SPATA17: variants seen among roughly 807,000 people sequenced by gnomAD.
SPATA17 encodes spermatogenesis-associated protein 17.
Under a neutral mutation model 62.2 loss-of-function variants are expected in SPATA17, and 53 were observed. The ratio of observed to expected loss-of-function variants is 0.85; its 90% CI spans 0.68 to 1.07. The LOEUF (loss-of-function observed/expected upper bound fraction) is 1.07. SPATA17 is among the 50% of genes least tolerant of loss of function. The pLI, the probability that SPATA17 is intolerant of heterozygous loss-of-function variation, is 0.00. For synonymous variants in SPATA17, 146 were observed against 146.8 expected (o/e 0.99, Z 0.04); for missense variants, 466 against 425.5 (o/e 1.10, Z -0.84).
chr1:217,814,483 T>C (rs17676166), intron 9 of SPATA17, among the ~76,000 whole-genome samples: 4,855 of 152,262 alleles, frequency 0.032, 111 homozygotes, highest in Middle Eastern at 0.065. Flanking sequence ...AGTTTGCCTA[T>C]GAAATTTTCT....
chr1:217,741,504 A>G (rs191531387), intron 5 of SPATA17, among the ~76,000 whole-genome samples: 1 of 152,312 alleles, frequency 6.6e-6, no homozygotes, highest in East Asian at 1.9e-4. Context: ...GTAAACCTAC[A>G]ATAAATTAAG....
At chr1:217,645,518 A>G (rs1325076944) in intron 1 of SPATA17, among the ~76,000 whole-genome samples, 2 of 152,178 alleles carry the variant, frequency 1.3e-5, no homozygotes, top group African/African-American at 2.4e-5. Flanking sequence ...AGTAATTTAA[A>G]TGGACTATAT....
intron 9 of SPATA17, chr1:217,850,582 C>T: frequency 1.9e-6 from 3 of 1,596,590 alleles, no homozygotes; most frequent in Non-Finnish European, 2.6e-6. Flanking sequence ...TCACTGGGCT[C>T]CACTTCAAGG....
intron 5 of SPATA17, among the ~76,000 whole-genome samples, chr1:217,685,024 C>A (rs1315152635): frequency 2.0e-5 from 3 of 151,894 alleles, no homozygotes; most frequent in African/African-American, 7.3e-5. Context: ...TAGGGGACTG[C>A]TGTTTAATTT....
chr1:217,736,689 G>A (rs1489711721), intron 5 of SPATA17, among the ~76,000 whole-genome samples: 5 of 152,158 alleles, frequency 3.3e-5, no homozygotes, highest in African/African-American at 7.2e-5. Flanking sequence ...AATGCTGAAA[G>A]GCCTTGTAGG....
At chr1:217,644,904 G>T (rs1670145856) in intron 1 of SPATA17, among the ~76,000 whole-genome samples, 1 of 151,788 alleles carries the variant, frequency 6.6e-6, no homozygotes, top group African/African-American at 2.4e-5. Context: ...CACTGCTATA[G>T]GATTTTCATT....
intron 8 of SPATA17, among the ~76,000 whole-genome samples, chr1:217,800,010 C>A (rs1238591810): frequency 6.6e-6 from 1 of 152,000 alleles, no homozygotes; most frequent in East Asian, 1.9e-4. Context: ...TTCATTAATA[C>A]CGTATCTCCT....
Position 217,837,521 on chromosome 1 carries a change from T to C in SPATA17, c.1006-25253T>C, listed in dbSNP as rs1389820918. ...TTCCATTTGGAAACCAATATAACCA[T>C]ACTGTTGCATGTTGGATGAATTTTG... On this transcript the variant is annotated intron_variant, in intron 9 of 10. Transcript: ENST00000366933. 2.0e-5 allele frequency among the ~76,000 whole-genome samples: 3 copies of C among 152,090 alleles called. No homozygotes were observed. In the East Asian group the frequency reaches 5.8e-4, roughly 29 times the overall value.
intron 9 of SPATA17, among the ~76,000 whole-genome samples, chr1:217,805,597 T>C (rs948545793): frequency 6.6e-6 from 1 of 152,216 alleles, no homozygotes; most frequent in African/African-American, 2.4e-5. Flanking sequence ...ATGATTGTGG[T>C]AATCATTTCC....
chr1:217,783,724 T>C (rs987881827), intron 8 of SPATA17, among the ~76,000 whole-genome samples: 1 of 152,170 alleles, frequency 6.6e-6, no homozygotes, highest in African/African-American at 2.4e-5. Flanking sequence ...GATTATCTGA[T>C]TGATATTTCT....
At chr1:217,827,720 A>G (rs576067808) in intron 9 of SPATA17, among the ~76,000 whole-genome samples, 1 of 152,276 alleles carries the variant, frequency 6.6e-6, no homozygotes, top group East Asian at 1.9e-4. Context: ...GAATGAGATC[A>G]TGTCCTTTGC....
intron 6 of SPATA17, 105 bp downstream of exon 6, chr1:217,742,203 A>C (rs1250789356): frequency 4.6e-5 from 64 of 1,394,524 alleles, no homozygotes; most frequent in Non-Finnish European, 5.7e-5. Flanking sequence ...AAAAGATATC[A>C]CAAAGACACT....
At chr1:217,660,937 A>G (rs773113036) in intron 3 of SPATA17, among the ~76,000 whole-genome samples, 3 of 152,174 alleles carry the variant, frequency 2.0e-5, no homozygotes, top group African/African-American at 4.8e-5. Context: ...AGATGTTTGG[A>G]GCTTTTGGAG....
chr1:217,646,495 A>T (rs1186683710), intron 1 of SPATA17, among the ~76,000 whole-genome samples: 3 of 152,116 alleles, frequency 2.0e-5, no homozygotes, highest in African/African-American at 7.2e-5. Flanking sequence ...TTAGAAATTG[A>T]TTACATGAAT....
At chr1:217,818,882 C>CTTTTTTTTTTTTTTTTTCT (rs34580904) in intron 9 of SPATA17, among the ~76,000 whole-genome samples, 1 of 125,404 alleles carries the variant, frequency 8.0e-6, no homozygotes, top group African/African-American at 2.9e-5. Context: ...TTTCATTTTC[C>CTTTTTTTTTTTTTTTTTCT]TTTTTTTTTT....
At chr1:217,797,247 C>T (rs1674171528) in intron 8 of SPATA17, among the ~76,000 whole-genome samples, 1 of 122,812 alleles carries the variant, frequency 8.1e-6, no homozygotes, top group Non-Finnish European at 1.6e-5. Context: ...TTCTTTCTTT[C>T]TTTCTTTTTT....
At chr1:217,711,299 C>T (rs560001838) in intron 5 of SPATA17, among the ~76,000 whole-genome samples, 2 of 152,142 alleles carry the variant, frequency 1.3e-5, no homozygotes, top group South Asian at 2.1e-4. Context: ...CTTCCCACCC[C>T]GCACTGCCAA....
chr1:217,681,716 G>A (rs1671089403), intron 4 of SPATA17, among the ~76,000 whole-genome samples: 1 of 152,064 alleles, frequency 6.6e-6, no homozygotes, highest in South Asian at 2.1e-4. Flanking sequence ...ATCTTAAATT[G>A]TAAATGATTA....
At chr1:217,812,583 G>A (rs1674618198) in intron 9 of SPATA17, among the ~76,000 whole-genome samples, 1 of 152,138 alleles carries the variant, frequency 6.6e-6, no homozygotes, top group Non-Finnish European at 1.5e-5. Flanking sequence ...AACCTTTTAA[G>A]ATCAGGTAAA....
Sources: allele counts gnomAD v4.1 joint callset (sites outside exome capture counted in the v4.1 genomes callset), GRCh38; gene constraint gnomAD v4.1.1; transcripts MANE v1.5; gene names NCBI Gene and HGNC (gene_info 2026-07-23, HGNC 2026-07-21).